COL17A1: variants seen among roughly 807,000 people sequenced by gnomAD.
The protein encoded by COL17A1 is collagen type XVII alpha 1 chain.
COL17A1 carries 181 observed loss-of-function variants against 218.4 expected under a neutral mutation model. That is an observed-to-expected ratio of 0.83 (90% CI 0.73 to 0.94). The LOEUF is 0.94. COL17A1 is among the 40% of genes least tolerant of loss of function. The pLI, the probability that COL17A1 is intolerant of heterozygous loss-of-function variation, is 0.00. For missense variants in COL17A1, 1,924 were observed against 1,945.9 expected, an observed-to-expected ratio of 0.99 and a Z score of 0.21; for synonymous variants, 721 against 731.0, an observed-to-expected ratio of 0.99 and a Z score of 0.22.
In COL17A1 at chr10:104,037,754, G is replaced by A; in HGVS notation, c.3090C>T (p.Tyr1030=). Residue 1030 remains tyrosine (Y), a synonymous_variant, in exon 46 of 56, where the codon TAC becomes TAT. Coordinates refer to ENST00000648076, the MANE Select transcript of COL17A1 (RefSeq NM_000494.4). ...EYMQSDSIRS[Y]LSGVQGPPGP... is the part of the protein sequence containing the mutation. ...CTGGGGGACCCTGAACTCCGGATAG[G>A]TAAGATCTAATACTGTCACCTGCCG... 6.2e-7 allele frequency: 1 copy of A among 1,614,090 alleles called. No individual in the cohort carries two copies. Among genetic ancestry groups the A allele is most frequent in the East Asian group, 2.2e-5 (1 of 44,874 alleles).
At chr10:104,036,130 A>C (rs1193629025) in intron 48 of COL17A1, among the ~76,000 whole-genome samples, 4 of 244 alleles carry the variant, frequency 0.016, 2 homozygotes, top group East Asian at 0.25. Flanking sequence ...GAGTGTGTGT[A>C]TATGTGTGTG....
In COL17A1 at chr10:104,035,264, A is replaced by G; in HGVS notation, c.3618T>C (p.His1206=). 6.2e-7 allele frequency: 1 copy of G among 1,611,866 alleles called. No individual in the cohort carries two copies. The highest frequency in any genetic ancestry group is 1.3e-5 in the African/African-American group (1 of 75,000). The stretch of plus-strand genomic sequence containing the variant: ...CCATCCCACTCCACAGTGCCCTACT[A>G]TGTAAGTAAGACGAGAGGTCCTCCA... ...ISVEDLSSYL[H]TAGLSFIPGP... Residue 1206 remains histidine (H), a splice_region_variant and synonymous_variant, in exon 50 of 56, where the codon CAT becomes CAC. Coordinates refer to ENST00000648076, the MANE Select transcript of COL17A1 (RefSeq NM_000494.4).
rs986811460 is a variant in COL17A1, at chr10:104,062,395, C to T, written c.839-66G>A. ...GGGGATGCCCCCTGGCTTAGGACGG[C>T]CCCCAGAGTCCCAAACCACTTTCAT... On this transcript the variant is annotated intron_variant, in intron 11 of 55. Transcript: ENST00000648076. The T allele has an allele frequency of 1.2e-5, 20 of 1,603,608 alleles. No homozygotes were observed. In the East Asian group the frequency reaches 2.0e-4, roughly 16 times the overall value.
intron 29 of COL17A1, 101 bp from the exon 30 acceptor site, chr10:104,048,205 A>G: frequency 1.6e-6 from 2 of 1,254,588 alleles, no homozygotes; most frequent in South Asian, 1.2e-5. Flanking sequence ...GTGTCCCAGG[A>G]GCCCACGCAG....
At chr10:104,038,674 G>A in intron 44 of COL17A1, 146 bp from the exon 45 acceptor site, 2 of 1,037,168 alleles carry the variant, frequency 1.9e-6, no homozygotes, top group Non-Finnish European at 2.8e-6. Flanking sequence ...TCCCCGAGAA[G>A]AGAAGAAAGG....
At position 104,070,564 on chromosome 10, in the gene COL17A1, C is replaced by T. The variant is rs778200996; in HGVS notation, c.469G>A (p.Glu157Lys). 1 of 1,614,220 alleles carries T rather than the reference C, an allele frequency of 6.2e-7. No individual in the cohort carries two copies. The highest frequency in any genetic ancestry group is 8.5e-7 in the Non-Finnish European group (1 of 1,180,042). ...AGCAAACGCTTAACATCATCCAATT[C>T]TGTCCCTGTGAAAGAATCCACAGAC... ...QSASPSTRWTELDDVKRLLKG... is the reference protein window; with the variant it reads ...QSASPSTRWTKLDDVKRLLKG... The change falls in exon 9 of 56, where the codon GAA (glutamate) becomes AAA (lysine). Residue 157 changes from glutamate (E) to lysine (K), a missense_variant. Physicochemically the swap from Glu to Lys is moderately conservative, Grantham distance 56. Coordinates refer to ENST00000648076, the MANE Select transcript of COL17A1 (RefSeq NM_000494.4).
rs1414563522 is a variant in COL17A1, at chr10:104,069,014, T to C, written c.607+1412A>G. On this transcript the variant is annotated intron_variant, in intron 9 of 55. Coordinates refer to ENST00000648076, the MANE Select transcript of COL17A1 (RefSeq NM_000494.4). ...ACTGGGGTCCCCAGGATATGTGTGA[T>C]GCAATACTAAAAAATTATGGGTGTA... 2.6e-5 allele frequency among the ~76,000 whole-genome samples: 4 copies of C among 152,334 alleles called. No homozygotes were observed. The East Asian group carries it at 5.8e-4, about 22-fold the overall frequency.
At chr10:104,063,223 G>T (rs879780545) in intron 11 of COL17A1, among the ~76,000 whole-genome samples, 10 of 152,162 alleles carry the variant, frequency 6.6e-5, no homozygotes, top group Non-Finnish European at 1.2e-4. Context: ...TTACATATAG[G>T]CTCTTAAGAT....
rs2086427173 is a variant in COL17A1, at chr10:104,047,794, A to C, written c.2280T>G (p.Thr760=). ...HQGPRGEQGL[T]GMPGIRGPPG... is the part of the protein sequence containing the mutation. ...GTGGGCCACGGATTCCAGGCATCCC[A>C]GTAAGACCTTGTTCACCTAGAGAGA... The change falls in exon 31 of 56, where the codon ACT becomes ACG. Residue 760 remains threonine (T), a synonymous_variant. Transcript: ENST00000648076. The C allele has an allele frequency of 6.2e-7, 1 of 1,614,148 alleles. No homozygotes were observed. Among genetic ancestry groups the C allele is most frequent in the Non-Finnish European group, 8.5e-7 (1 of 1,179,988 alleles).
Position 104,064,590 on chromosome 10 carries a change from C to T in COL17A1, c.614G>A (p.Gly205Asp). 13 of 1,612,798 alleles carry T rather than the reference C, an allele frequency of 8.1e-6. No homozygotes were observed. The highest frequency in any genetic ancestry group is 1.1e-5 in the Non-Finnish European group (13 of 1,179,360). The change falls in exon 10 of 56, where the codon GGC (glycine) becomes GAC (aspartate). Residue 205 changes from glycine (G) to aspartate (D), a missense_variant. Coordinates refer to ENST00000648076, the MANE Select transcript of COL17A1 (RefSeq NM_000494.4). Reference sequence around the variant, plus strand: ...ATCCAGGATCGTTGCATCGTAGGTGCCTGACACTGGAAACAGACACATGCA... The same window carrying T: ...ATCCAGGATCGTTGCATCGTAGGTGTCTGACACTGGAAACAGACACATGCA... ...IVTASSQSVS[G>D]TYDATILDAN... is the part of the protein sequence containing the mutation.
chr10:104,066,299 A>C (rs2086625720), intron 9 of COL17A1, among the ~76,000 whole-genome samples: 1 of 152,180 alleles, frequency 6.6e-6, no homozygotes, highest in Non-Finnish European at 1.5e-5. Context: ...CATTCTCCCA[A>C]ATAGTCCATT....
intron 9 of COL17A1, among the ~76,000 whole-genome samples, chr10:104,066,637 G>A (rs772955881): frequency 3.3e-5 from 5 of 152,178 alleles, no homozygotes; most frequent in East Asian, 1.9e-4. Context: ...CCCATAACAC[G>A]CTTGCCTCCA....
In COL17A1 at chr10:104,077,414, G is replaced by T. The variant is rs2086720066; in HGVS notation, c.202+8C>A. The T allele has an allele frequency of 2.5e-6, 4 of 1,605,832 alleles. No individual in the cohort carries two copies. In the East Asian group the frequency reaches 8.9e-5, roughly 36 times the overall value. ...CTTCCCTGACCTCTTGCACTAGTGG[G>T]CACTCACTTGAGTTTATGTAGCCGC... On this transcript the variant is annotated splice_region_variant and intron_variant, in intron 4 of 55. Coordinates refer to ENST00000648076, the MANE Select transcript of COL17A1 (RefSeq NM_000494.4).
At position 104,073,346 on chromosome 10, in the gene COL17A1, A is replaced by G. The variant is rs200285644; in HGVS notation, c.380-101T>C. ...ATATTTGGGGAGGGGTTACTTTCAT[A>G]GTGTGTCTAAATCCAGATAGGGGCT... On this transcript the variant is annotated intron_variant, in intron 6 of 55. Coordinates refer to ENST00000648076, the MANE Select transcript of COL17A1 (RefSeq NM_000494.4). The G allele has an allele frequency of 3.9e-6, 4 of 1,019,976 alleles. No homozygotes were observed. In the East Asian group the frequency reaches 7.2e-5, roughly 18 times the overall value. The allele number at this position is 1,019,976 out of a possible 1,614,324, so 63.2% of individuals were successfully genotyped here.
At chr10:104,035,035 T>G (rs981583310) in intron 50 of COL17A1, among the ~76,000 whole-genome samples, 1 of 152,092 alleles carries the variant, frequency 6.6e-6, no homozygotes, top group Non-Finnish European at 1.5e-5. Context: ...GAGCCCCAGG[T>G]CGGCCCTAAT....
intron 5 of COL17A1, among the ~76,000 whole-genome samples, chr10:104,075,195 T>C (rs753671068): frequency 1.1e-4 from 16 of 152,276 alleles, no homozygotes; most frequent in Admixed American, 2.6e-4. Flanking sequence ...CTCTAACACC[T>C]CTTTGCGAAT....
rs978696899 is a variant in COL17A1, at chr10:104,036,395, TG to T, written c.3418+96del. ...GCTGGGGTTGGTGCAGTCTGGCAGG[TG>T]GGGGTCAGTGGGGCAATCACAGGGA... On this transcript the variant is annotated intron_variant, in intron 48 of 55. Transcript: ENST00000648076. The T allele has an allele frequency of 3.9e-6, 6 of 1,529,798 alleles. No homozygotes were observed. The African/African-American group carries it at 8.2e-5, about 21-fold the overall frequency. The allele number at this position is 1,529,798 out of a possible 1,614,324, so 94.8% of individuals were successfully genotyped here. A position where few individuals can be genotyped will look rare whatever the true frequency, so the allele number is the denominator to read the frequency against.
At chr10:104,039,173 G>C in intron 43 of COL17A1, 52 bp from the exon 44 acceptor site, 1 of 1,584,266 alleles carries the variant, frequency 6.3e-7, no homozygotes, top group Non-Finnish European at 8.7e-7. Flanking sequence ...AGCCTTCCCT[G>C]GTTAAGCCAA....
rs763468633 is a variant in COL17A1 at position 104,034,033 on chromosome 10, A to G, written c.4068T>C (p.Tyr1356=). ...CTCCCAATAGTCCGCCATTGCCAGC[A>G]TACATGCCGCCTTCTGCTGCTGCCC... The part of the protein sequence containing the change: ...GYGAAAEGGM[Y]AGNGGLLGAD... Residue 1356 remains tyrosine (Y), a synonymous_variant, in exon 52 of 56, where the codon TAT becomes TAC. Coordinates refer to ENST00000648076, the MANE Select transcript of COL17A1 (RefSeq NM_000494.4). 7.4e-6 allele frequency: 12 copies of G among 1,614,064 alleles called. No homozygotes were observed. The highest frequency in any genetic ancestry group is 3.3e-5 in the Admixed American group (2 of 60,008).
Sources: allele counts gnomAD v4.1 joint callset (sites outside exome capture counted in the v4.1 genomes callset), GRCh38; gene constraint gnomAD v4.1.1; transcripts MANE v1.5; gene names NCBI Gene and HGNC (gene_info 2026-07-23, HGNC 2026-07-21).